CASK: variants seen among roughly 807,000 people sequenced by gnomAD.
The protein encoded by CASK is calcium/calmodulin dependent serine protein kinase, also known as peripheral plasma membrane protein CASK.
In CASK, 4 loss-of-function variants were observed where a neutral mutation model predicts 82.9. The observed-to-expected ratio is 0.05, with a 90% confidence interval of 0.02 to 0.11. CASK has a LOEUF of 0.11. CASK is among the 10% of genes least tolerant of loss of function. The pLI is 1.00. For synonymous variants in CASK, 259 were observed against 253.5 expected (o/e 1.02, Z -0.20); for missense variants, 358 against 720.9 (o/e 0.50, Z 5.76).
chrX:41,773,650 A>G (rs977652621), intron 3 of CASK, among the ~76,000 whole-genome samples: 7 of 111,964 alleles, frequency 6.3e-5, no homozygotes, highest in Non-Finnish European at 9.4e-5. Context: ...GAGTGTACTT[A>G]CACAAACCTA....
At chrX:41,611,932 C>T (rs1602345156) in intron 11 of CASK, among the ~76,000 whole-genome samples, 1 of 111,724 alleles carries the variant, frequency 9.0e-6, no homozygotes, top group South Asian at 3.7e-4. Flanking sequence ...AGCTCCTAAC[C>T]GCGAGTGATC....
rs1206018731 is a variant in CASK, at chrX:41,741,349, ATAT to A, written c.357-1896_357-1894del. On this transcript the variant is annotated intron_variant, in intron 4 of 26. Transcript: ENST00000378163. ...CAAAGGTTAAGACATTATTAGTACA[ATAT>A]TATTATTGTTAAGTTCAATCAAAGA... Among the ~76,000 whole-genome samples, 13 of 112,117 alleles carry A rather than the reference ATAT, an allele frequency of 1.2e-4. 1 individual carries two copies. Among genetic ancestry groups the A allele is most frequent in the Non-Finnish European group, 2.4e-4 (13 of 53,301 alleles).
chrX:41,628,706 T>C (rs1459672097), intron 9 of CASK, among the ~76,000 whole-genome samples: 1 of 112,365 alleles, frequency 8.9e-6, no homozygotes, highest in African/African-American at 3.2e-5. Context: ...CAGGTAACTT[T>C]TGAGATTTCT....
intron 1 of CASK, among the ~76,000 whole-genome samples, chrX:41,876,177 T>C (rs974738312): frequency 1.8e-5 from 2 of 111,456 alleles, no homozygotes; most frequent in Non-Finnish European, 3.8e-5. Context: ...TTATTATTAT[T>C]ATTACAGCTA....
At chrX:41,592,942 A>C (rs1297456127) in intron 12 of CASK, among the ~76,000 whole-genome samples, 3 of 111,924 alleles carry the variant, frequency 2.7e-5, no homozygotes. Flanking sequence ...AAGTGCCTGG[A>C]ATCTCTTTTG....
At chrX:41,856,607 T>A (rs982770118) in intron 1 of CASK, among the ~76,000 whole-genome samples, 1 of 110,407 alleles carries the variant, frequency 9.1e-6, no homozygotes, top group Non-Finnish European at 1.9e-5. Context: ...AGGTTAATTA[T>A]CTGGAAAGAG....
intron 12 of CASK, among the ~76,000 whole-genome samples, chrX:41,598,347 T>C (rs140425249): frequency 9.0e-6 from 1 of 110,620 alleles, no homozygotes; most frequent in Non-Finnish European, 1.9e-5. Context: ...TAGGAAGAAG[T>C]TTTTTTCTTT....
intron 1 of CASK, among the ~76,000 whole-genome samples, chrX:41,853,613 C>G (rs1351626155): frequency 9.0e-6 from 1 of 110,829 alleles, no homozygotes; most frequent in Admixed American, 9.6e-5. Context: ...AACCAGAAAC[C>G]CAAGCCATTC....
rs199560653 is a variant in CASK at position 41,524,044 on chromosome X, G to GAAA, written c.2521-13_2521-11dup. 8.9e-5 allele frequency: 80 copies of GAAA among 903,138 alleles called. No homozygotes were observed. Among genetic ancestry groups the GAAA allele is most frequent in the Non-Finnish European group, 1.0e-4 (66 of 661,387 alleles). The allele number at this position is 903,138 out of a possible 1,213,427, so 74.4% of individuals were successfully genotyped here. On this transcript the variant is annotated splice_polypyrimidine_tract_variant and intron_variant, in intron 25 of 26. Transcript: ENST00000378163. ...TCAGGACCTTCAGTGCCTGTGTTAA[G>GAAA]AAAAAAAAAAAAAATCCCGACTTAA...
intron 3 of CASK, 92 bp downstream of exon 3, chrX:41,787,086 C>G (rs1305577315): frequency 1.4e-5 from 8 of 587,204 alleles, no homozygotes; most frequent in Middle Eastern, 3.2e-4. Context: ...AAGTTCACAA[C>G]TACTGCTAAA....
rs766286849 is a variant in CASK at position 41,830,755 on chromosome X, G to A, written c.172+22360C>T. On this transcript the variant is annotated intron_variant, in intron 2 of 26. Coordinates refer to ENST00000378163, the MANE Select transcript of CASK (RefSeq NM_001367721.1). ...GTATGGCGTGAACCCAGGAGGCGGA[G>A]CTTGCAGTGAGCCGAGATCGCGCCA... Among the ~76,000 whole-genome samples the A allele has an allele frequency of 7.3e-3, 748 of 102,425 alleles. 8 individuals are homozygous for A. The highest frequency in any genetic ancestry group is 0.011 in the Non-Finnish European group (575 of 50,533). 88.9% of individuals were successfully genotyped at this position (102,425 alleles called of 115,157 possible).
intron 9 of CASK, among the ~76,000 whole-genome samples, chrX:41,630,393 C>T (rs1033589498): frequency 1.1e-4 from 12 of 111,382 alleles, no homozygotes; most frequent in Non-Finnish European, 1.9e-4. Flanking sequence ...AACCAAAAAC[C>T]GAATACTCCC....
intron 15 of CASK, among the ~76,000 whole-genome samples, chrX:41,577,371 A>G (rs190246580): frequency 8.9e-6 from 1 of 112,230 alleles, no homozygotes; most frequent in African/African-American, 3.2e-5. Context: ...CACTGCTGCA[A>G]TAACAGCCTC....
intron 1 of CASK, among the ~76,000 whole-genome samples, chrX:41,864,132 T>A (rs1451170283): frequency 9.0e-6 from 1 of 111,680 alleles, no homozygotes; most frequent in Non-Finnish European, 1.9e-5. Context: ...AAGATCTCCA[T>A]AACCAGGTAA....
chrX:41,871,544 A>C (rs2071708441), intron 1 of CASK, among the ~76,000 whole-genome samples: 1 of 111,907 alleles, frequency 8.9e-6, no homozygotes, highest in Non-Finnish European at 1.9e-5. Flanking sequence ...AATTCTGTTT[A>C]TTACTGTTTA....
chrX:41,829,246 C>A (rs1055591036), intron 2 of CASK, among the ~76,000 whole-genome samples: 2 of 111,067 alleles, frequency 1.8e-5, no homozygotes, highest in Non-Finnish European at 3.8e-5. Context: ...CAGAACATGA[C>A]CAGCACCTCC....
At chrX:41,525,379 A>T (rs191875003) in intron 25 of CASK, among the ~76,000 whole-genome samples, 18 of 108,428 alleles carry the variant, frequency 1.7e-4, no homozygotes, top group Non-Finnish European at 2.9e-4. Context: ...TTGATTTACT[A>T]CTCCCTCTGC....
intron 5 of CASK, among the ~76,000 whole-genome samples, chrX:41,724,720 C>T (rs1306392674): frequency 8.9e-6 from 1 of 111,873 alleles, no homozygotes; most frequent in African/African-American, 3.2e-5. Context: ...TTGTTGACTG[C>T]TACACTGAGA....
At chrX:41,710,726 A>C (rs1175074190) in intron 5 of CASK, among the ~76,000 whole-genome samples, 1 of 112,272 alleles carries the variant, frequency 8.9e-6, no homozygotes, top group Non-Finnish European at 1.9e-5. Flanking sequence ...GCCTTGAAAG[A>C]CTAGGCAGGA....
Sources: gnomAD v4.1 joint callset for allele counts (sites outside exome capture counted in the v4.1 genomes callset) on GRCh38, gnomAD v4.1.1 for gene constraint, MANE v1.5 for transcripts, NCBI Gene and HGNC (gene_info 2026-07-23, HGNC 2026-07-21) for gene names.